PTPRB: variants seen among roughly 807,000 people sequenced by gnomAD.
PTPRB encodes the protein protein tyrosine phosphatase receptor type B.
In PTPRB, 97 loss-of-function variants were observed where a neutral mutation model predicts 238.1. The ratio of observed to expected loss-of-function variants is 0.41; its 90% CI spans 0.35 to 0.48. The LOEUF is 0.48. Ranked by LOEUF, PTPRB falls within the 20% of genes least tolerant of loss-of-function variation. The probability of loss-of-function intolerance (pLI) is 0.30; values close to 1 mark genes in which losing one functional copy is unlikely to be tolerated. For missense variants in PTPRB, 2,292 were observed against 2,681.9 expected (o/e 0.85, Z 3.21); for synonymous variants, 970 against 995.4 (o/e 0.97, Z 0.48).
intron 5 of PTPRB, among the ~76,000 whole-genome samples, chr12:70,594,945 C>T (rs1379960040): frequency 6.6e-6 from 1 of 152,042 alleles, no homozygotes; most frequent in Non-Finnish European, 1.5e-5. Flanking sequence ...TACTTGTCTG[C>T]CTCCCCCACT....
At position 70,581,295 on chromosome 12, in the gene PTPRB, G is replaced by A; in HGVS notation, c.2319C>T (p.Ala773=). 1 of 1,612,270 alleles carries A rather than the reference G, an allele frequency of 6.2e-7. No homozygotes were observed. The highest frequency in any genetic ancestry group is 8.5e-7 in the Non-Finnish European group (1 of 1,178,942). Residue 773 remains alanine, a synonymous_variant, in exon 10 of 34, where the codon GCC becomes GCT. Transcript: ENST00000334414. ...TGGCCACATGCAAGTCAGTCACTTG[G>A]GCAGGCACTAAAACAGTAGACAGAA... ...SSSVKGRTVP[A]QVTDLHVANQ...
chr12:70,615,694 G>T (rs535938742), intron 3 of PTPRB, among the ~76,000 whole-genome samples: 1 of 152,190 alleles, frequency 6.6e-6, no homozygotes, highest in Non-Finnish European at 1.5e-5. Flanking sequence ...ACTCCCAGAT[G>T]AACCCAGTTG....
chr12:70,521,360 T>G lies in PTPRB; in HGVS notation c.*129A>C. On this transcript the variant is annotated 3_prime_UTR_variant, in exon 34 of 34. Transcript: ENST00000334414. ...TTTAAATTATATAAAATTTTAAACA[T>G]TCTCCAGATTAATAAATTATACATA... 4 of 566,664 alleles carry G rather than the reference T, an allele frequency of 7.1e-6. No individual in the cohort carries two copies. Among genetic ancestry groups the G allele is most frequent in the Non-Finnish European group, 8.7e-6 (3 of 346,030 alleles). 35.1% of individuals were successfully genotyped at this position (566,664 alleles called of 1,614,324 possible).
At chr12:70,629,368 G>A (rs769326168) in intron 2 of PTPRB, among the ~76,000 whole-genome samples, 4 of 152,046 alleles carry the variant, frequency 2.6e-5, no homozygotes, top group Non-Finnish European at 4.4e-5. Context: ...ACAAAATGAA[G>A]GCAGAAATAA....
intron 3 of PTPRB, among the ~76,000 whole-genome samples, chr12:70,617,183 G>C (rs1475404372): frequency 6.6e-6 from 1 of 152,148 alleles, no homozygotes; most frequent in Admixed American, 6.6e-5. Flanking sequence ...AAATGAAAGA[G>C]AATAAAAATC....
intron 4 of PTPRB, among the ~76,000 whole-genome samples, chr12:70,601,847 A>G (rs967515793): frequency 2.2e-5 from 3 of 137,598 alleles, no homozygotes; most frequent in Non-Finnish European, 3.0e-5. Context: ...GCTGGAGTGC[A>G]GTGGCATGAT....
At chr12:70,633,668 G>C (rs950934735) in intron 2 of PTPRB, among the ~76,000 whole-genome samples, 2 of 151,996 alleles carry the variant, frequency 1.3e-5, no homozygotes, top group Non-Finnish European at 2.9e-5. Flanking sequence ...CATATTATCA[G>C]GCATTTTTTG....
At chr12:70,594,992 A>G (rs1279283521) in intron 5 of PTPRB, among the ~76,000 whole-genome samples, 3 of 152,180 alleles carry the variant, frequency 2.0e-5, no homozygotes, top group Admixed American at 6.5e-5. Context: ...AGTGAAGTAT[A>G]TAACATTGCA....
chr12:70,557,327 T>C (rs1379271410), intron 18 of PTPRB, among the ~76,000 whole-genome samples: 1 of 152,230 alleles, frequency 6.6e-6, no homozygotes, highest in Non-Finnish European at 1.5e-5. Flanking sequence ...AAACTTCTGC[T>C]ATTTTGGATT....
intron 29 of PTPRB, among the ~76,000 whole-genome samples, 151 bp downstream of exon 29, chr12:70,535,858 CACTTGGGTTTACTATT>C (rs1345983831): frequency 1.3e-5 from 2 of 152,206 alleles, no homozygotes; most frequent in East Asian, 3.9e-4. Context: ...AATCAGGCAT[CACTTGGGTTTACTATT>C]AGAGTCTTTT....
chr12:70,585,666 C>T (rs1459597881), intron 9 of PTPRB, among the ~76,000 whole-genome samples: 1 of 152,048 alleles, frequency 6.6e-6, no homozygotes. Flanking sequence ...TTTTATTACA[C>T]TTTAAGTTCT....
intron 21 of PTPRB, among the ~76,000 whole-genome samples, chr12:70,549,089 C>T (rs1876505173): frequency 6.6e-6 from 1 of 152,186 alleles, no homozygotes; most frequent in Admixed American, 6.5e-5. Context: ...GTGGCTCCAC[C>T]TTATTTATCT....
intron 6 of PTPRB, among the ~76,000 whole-genome samples, chr12:70,594,239 T>C (rs1295236084): frequency 1.3e-5 from 2 of 152,188 alleles, no homozygotes; most frequent in East Asian, 1.9e-4. Context: ...GCTAGGTCCA[T>C]ATCAGTAATT....
intron 4 of PTPRB, among the ~76,000 whole-genome samples, chr12:70,607,356 G>A (rs1884031657): frequency 6.6e-6 from 1 of 152,098 alleles, no homozygotes; most frequent in Non-Finnish European, 1.5e-5. Context: ...TAACACATCT[G>A]TAAGTTCTAT....
At chr12:70,630,994 C>T (rs1288712960) in intron 2 of PTPRB, among the ~76,000 whole-genome samples, 2 of 152,164 alleles carry the variant, frequency 1.3e-5, no homozygotes, top group Non-Finnish European at 2.9e-5. Context: ...GTGAAAATGG[C>T]CATACTGCCC....
Position 70,581,151 on chromosome 12 carries a change from A to G in PTPRB, c.2463T>C (p.Ser821=). The G allele has an allele frequency of 1.2e-6, 2 of 1,613,990 alleles. No individual in the cohort carries two copies. The highest frequency in any genetic ancestry group is 1.7e-6 in the Non-Finnish European group (2 of 1,179,894). The change falls in exon 10 of 34, where the codon AGT becomes AGC. Residue 821 remains serine, a synonymous_variant. Transcript: ENST00000334414. The part of the protein sequence containing the change: ...NVVIKNESIS[S]ETSRYSFHSL... ...AGTGGAAGCTGTATCTGCTGGTCTCACTGGAGATGCTTTCATTTTTAATGA... is the reference window on the plus strand; with the variant it reads ...AGTGGAAGCTGTATCTGCTGGTCTCGCTGGAGATGCTTTCATTTTTAATGA...
At chr12:70,602,099 G>A (rs1016685381) in intron 4 of PTPRB, among the ~76,000 whole-genome samples, 1 of 152,078 alleles carries the variant, frequency 6.6e-6, no homozygotes, top group Non-Finnish European at 1.5e-5. Context: ...CTAGCTGAGA[G>A]ATAATTTCTT....
At chr12:70,588,701 C>T (rs1460993095) in intron 8 of PTPRB, among the ~76,000 whole-genome samples, 1 of 152,126 alleles carries the variant, frequency 6.6e-6, no homozygotes, top group Non-Finnish European at 1.5e-5. Context: ...GCCTGTGATC[C>T]TAGCACTTTG....
At chr12:70,570,413 T>A (rs1879890761) in intron 13 of PTPRB, among the ~76,000 whole-genome samples, 1 of 152,068 alleles carries the variant, frequency 6.6e-6, no homozygotes, top group Non-Finnish European at 1.5e-5. Flanking sequence ...ATGGCATGAT[T>A]ATGGCTCACT....
Sources: gnomAD v4.1 joint callset for allele counts (sites outside exome capture counted in the v4.1 genomes callset) on GRCh38, gnomAD v4.1.1 for gene constraint, MANE v1.5 for transcripts, NCBI Gene and HGNC (gene_info 2026-07-23, HGNC 2026-07-21) for gene names.